Variants in HSF2BP observed in about 807,000 individuals in gnomAD.
HSF2BP encodes heat shock transcription factor 2 binding protein.
A neutral mutation model predicts 35.0 loss-of-function variants in HSF2BP; 35 were observed. That is an observed-to-expected ratio of 1.00 (90% CI 0.76 to 1.32). The LOEUF is 1.32. Ranked by LOEUF, HSF2BP falls within the 40% of genes most tolerant of loss-of-function variation. The pLI, the probability that HSF2BP is intolerant of heterozygous loss-of-function variation, is 0.00. For missense variants in HSF2BP, 326 were observed against 321.7 expected (o/e 1.01, Z -0.10); for synonymous variants, 114 against 117.4 (o/e 0.97, Z 0.18).
At chr21:43,648,419 G>A (rs1489305624) in intron 3 of HSF2BP, among the ~76,000 whole-genome samples, 3 of 152,152 alleles carry the variant, frequency 2.0e-5, no homozygotes, top group Admixed American at 6.5e-5. Context: ...AACGCCTCTC[G>A]CCACGTCTGG....
chr21:43,630,535 A>C, intron 5 of HSF2BP, 81 bp from the exon 6 acceptor site: 1 of 1,445,014 alleles, frequency 6.9e-7, no homozygotes, highest in Non-Finnish European at 9.2e-7. Context: ...GATACAGAAG[A>C]TTCTAGTTTT....
At chr21:43,628,816 A>T (rs1464779647) in intron 6 of HSF2BP, among the ~76,000 whole-genome samples, 1 of 152,216 alleles carries the variant, frequency 6.6e-6, no homozygotes, top group Non-Finnish European at 1.5e-5. Flanking sequence ...ATTGAAGCCA[A>T]TGCTCATTTA....
chr21:43,500,001 ACAC>A, the HSF2BP span, among the ~76,000 whole-genome samples: 2 of 80,248 alleles, frequency 2.5e-5, no homozygotes, highest in African/African-American at 6.2e-5. Context: ...ACACACCCAC[ACAC>A]CACATTCACA....
At chr21:43,645,209 G>C (rs150473100) in intron 3 of HSF2BP, among the ~76,000 whole-genome samples, 16 of 152,308 alleles carry the variant, frequency 1.1e-4, no homozygotes, top group Admixed American at 4.6e-4. Context: ...TTAAAGTAGC[G>C]ATGCTTTAGG....
intron 7 of HSF2BP, among the ~76,000 whole-genome samples, chr21:43,609,304 A>G (rs559808463): frequency 4.6e-5 from 7 of 152,310 alleles, no homozygotes; most frequent in African/African-American, 1.7e-4. Flanking sequence ...GAGAGGAACA[A>G]GGACTGAAAA....
intron 7 of HSF2BP, among the ~76,000 whole-genome samples, chr21:43,610,901 G>A (rs1008323554): frequency 5.3e-5 from 8 of 152,068 alleles, no homozygotes; most frequent in Non-Finnish European, 1.0e-4. Context: ...AGTAAAACCC[G>A]AAAGTAACTT....
intron 7 of HSF2BP, among the ~76,000 whole-genome samples, chr21:43,610,394 G>A (rs2082188673): frequency 6.6e-6 from 1 of 150,454 alleles, no homozygotes; most frequent in Non-Finnish European, 1.5e-5. Flanking sequence ...TTTGAGACAA[G>A]CCTGGGCAAC....
chr21:43,652,903 G>A (rs1257590815), intron 3 of HSF2BP, among the ~76,000 whole-genome samples: 1 of 152,114 alleles, frequency 6.6e-6, no homozygotes, highest in Non-Finnish European at 1.5e-5. Flanking sequence ...GGGAGGCCGA[G>A]GCGGGCAGAT....
At chr21:43,610,541 G>A (rs549977664) in intron 7 of HSF2BP, among the ~76,000 whole-genome samples, 7 of 152,048 alleles carry the variant, frequency 4.6e-5, no homozygotes, top group African/African-American at 1.5e-4. Context: ...CAGAGGTCGC[G>A]GCTGCAGTGA....
chr21:43,582,369 G>A (rs2081763245), intron 8 of HSF2BP, among the ~76,000 whole-genome samples: 1 of 147,256 alleles, frequency 6.8e-6, no homozygotes, highest in African/African-American at 2.6e-5. Context: ...GACCTGCTGT[G>A]GGGGATGAGG....
At chr21:43,611,053 T>C (rs2082197731) in intron 7 of HSF2BP, among the ~76,000 whole-genome samples, 1 of 152,090 alleles carries the variant, frequency 6.6e-6, no homozygotes, top group Non-Finnish European at 1.5e-5. Context: ...CTGGGCAACA[T>C]GGAGAGACCC....
At chr21:43,575,331 C>T (rs1274332388) in intron 8 of HSF2BP, among the ~76,000 whole-genome samples, 1 of 152,208 alleles carries the variant, frequency 6.6e-6, no homozygotes, top group South Asian at 2.1e-4. Context: ...GAAGCCTGCA[C>T]ATCTCCGTGG....
At chr21:43,656,423 A>T (rs2082868963) in intron 3 of HSF2BP, among the ~76,000 whole-genome samples, 164 bp downstream of exon 3, 1 of 152,250 alleles carries the variant, frequency 6.6e-6, no homozygotes, top group Non-Finnish European at 1.5e-5. Context: ...TGTCCAAGTC[A>T]CTACACTGAG....
chr21:43,640,721 T>C (rs2082624911), intron 4 of HSF2BP, among the ~76,000 whole-genome samples: 1 of 152,196 alleles, frequency 6.6e-6, no homozygotes, highest in African/African-American at 2.4e-5. Context: ...CCTGGACTTT[T>C]TGAAACTTCT....
chr21:43,593,373 C>A (rs952948045), intron 7 of HSF2BP, among the ~76,000 whole-genome samples: 2 of 152,130 alleles, frequency 1.3e-5, no homozygotes, highest in African/African-American at 4.8e-5. Flanking sequence ...GGAAAGGATC[C>A]TCAACCTGGT....
intron 4 of HSF2BP, among the ~76,000 whole-genome samples, chr21:43,637,486 A>AAAAT (rs149222641): frequency 3.1e-4 from 46 of 149,564 alleles, no homozygotes; most frequent in East Asian, 7.9e-4. Context: ...AGTAATTATA[A>AAAAT]AAATAAATAA....
At chr21:43,581,375 G>A (rs1013927649) in intron 8 of HSF2BP, among the ~76,000 whole-genome samples, 3 of 149,526 alleles carry the variant, frequency 2.0e-5, no homozygotes, top group African/African-American at 7.5e-5. Flanking sequence ...GGCAGAGTGA[G>A]ACTCTGTCTC....
At chr21:43,579,726 C>T (rs931543591) in intron 8 of HSF2BP, among the ~76,000 whole-genome samples, 1 of 152,162 alleles carries the variant, frequency 6.6e-6, no homozygotes, top group Admixed American at 6.5e-5. Flanking sequence ...TCATCAATAA[C>T]TCTCTGTTGC....
rs748014036 is a variant in HSF2BP, at chr21:43,613,926, C to T, written c.596G>A (p.Gly199Asp). ...IVTNVAAIAC[G>D]REFLVNSSRV... ...GCTTGAATTAACCAAGAATTCACGA[C>T]CACATGCTATAGCAGCAACATCTGC... is the stretch of plus-strand genomic sequence containing the variant. Residue 199 changes from glycine (G) to aspartate (D), a missense_variant, in exon 7 of 9, where the codon GGT becomes GAT. Coordinates refer to ENST00000291560, the MANE Select transcript of HSF2BP (RefSeq NM_007031.2). 8.1e-6 allele frequency: 13 copies of T among 1,610,202 alleles called. No individual in the cohort carries two copies. The highest frequency in any genetic ancestry group is 1.0e-5 in the Non-Finnish European group (12 of 1,178,932).
Sources: allele counts gnomAD v4.1 joint callset (sites outside exome capture counted in the v4.1 genomes callset), GRCh38; gene constraint gnomAD v4.1.1; transcripts MANE v1.5; gene names NCBI Gene and HGNC (gene_info 2026-07-23, HGNC 2026-07-21).